Variants in MSI2 observed in about 807,000 individuals in gnomAD.
MSI2 encodes musashi RNA binding protein 2, also known as RNA-binding protein Musashi homolog 2.
Under a neutral mutation model 45.6 loss-of-function variants are expected in MSI2, and 17 were observed. That is an observed-to-expected ratio of 0.37 (90% CI 0.26 to 0.56). MSI2 has a LOEUF of 0.56. Among genes scored for constraint, MSI2 ranks in the 20% least tolerant of loss-of-function variants. The pLI is 0.77. For synonymous variants in MSI2, 156 were observed against 158.2 expected, an observed-to-expected ratio of 0.99 and a Z score of 0.11; for missense variants, 293 against 444.2, an observed-to-expected ratio of 0.66 and a Z score of 3.06.
intron 6 of MSI2, among the ~76,000 whole-genome samples, chr17:57,453,563 A>T (rs1304109491): frequency 6.6e-6 from 1 of 152,212 alleles, no homozygotes; most frequent in Non-Finnish European, 1.5e-5. Context: ...AAGAAGTTTA[A>T]TGCCAACATC....
intron 11 of MSI2, among the ~76,000 whole-genome samples, chr17:57,653,827 C>T (rs978873410): frequency 4.9e-4 from 74 of 152,130 alleles, no homozygotes; most frequent in African/African-American, 1.7e-3. Context: ...CCGTCTCCCA[C>T]GGTCTGTGCC....
chr17:57,580,872 C>CAGCT (rs1401364198), intron 7 of MSI2, among the ~76,000 whole-genome samples: 1 of 152,274 alleles, frequency 6.6e-6, no homozygotes, highest in Non-Finnish European at 1.5e-5. Context: ...TTTCAAGTCT[C>CAGCT]AGCTGGTAGC....
At chr17:57,459,339 C>CG (rs1459254514) in intron 6 of MSI2, among the ~76,000 whole-genome samples, 1 of 152,096 alleles carries the variant, frequency 6.6e-6, no homozygotes. Flanking sequence ...GGATGCCGCA[C>CG]GGGGGCATTG....
At chr17:57,396,413 C>CCACA (rs55688182) in intron 5 of MSI2, among the ~76,000 whole-genome samples, 99,603 of 150,052 alleles carry the variant, frequency 0.66, 33,342 homozygotes, top group South Asian at 0.75. Context: ...AGCACACACA[C>CCACA]CACACACACA....
At chr17:57,502,008 G>A (rs888818264) in intron 6 of MSI2, among the ~76,000 whole-genome samples, 2 of 152,152 alleles carry the variant, frequency 1.3e-5, no homozygotes, top group African/African-American at 4.8e-5. Flanking sequence ...GGAGGGTCCT[G>A]GGTTTCAAGA....
chr17:57,275,722 G>A lies in MSI2; in HGVS notation c.312+13530G>A, dbSNP rs893764587. ...GGGGATGGAGTGCGTGTGAATGTTA[G>A]TGTGTAGAGGACGGAAAGGGAAGGA... On this transcript the variant is annotated intron_variant, in intron 5 of 13. Coordinates refer to ENST00000284073, the MANE Select transcript of MSI2 (RefSeq NM_138962.4). Among the ~76,000 whole-genome samples the A allele has an allele frequency of 4.6e-5, 7 of 152,222 alleles. 1 individual carries two copies. The highest frequency in any genetic ancestry group is 1.7e-4 in the African/African-American group (7 of 41,458).
At chr17:57,688,000 A>G (rs1913916161), downstream of MSI2, among the ~76,000 whole-genome samples, 1 of 152,154 alleles carries the variant, frequency 6.6e-6, no homozygotes, top group Non-Finnish European at 1.5e-5. Flanking sequence ...AGTATTTGAA[A>G]AATATGGCAG....
At chr17:57,644,057 A>T (rs1053868071) in intron 10 of MSI2, among the ~76,000 whole-genome samples, 2 of 152,074 alleles carry the variant, frequency 1.3e-5, no homozygotes, top group African/African-American at 4.8e-5. Flanking sequence ...CTCACTCCCC[A>T]GCACCCCCTT....
intron 7 of MSI2, among the ~76,000 whole-genome samples, chr17:57,547,798 A>C (rs2087205852): frequency 6.7e-6 from 1 of 150,060 alleles, no homozygotes; most frequent in Non-Finnish European, 1.5e-5. Context: ...ACGTCTCTGG[A>C]GAATTAACAT....
intron 5 of MSI2, among the ~76,000 whole-genome samples, chr17:57,348,310 A>G (rs1461720577): frequency 6.6e-6 from 1 of 152,188 alleles, no homozygotes; most frequent in Non-Finnish European, 1.5e-5. Context: ...ACAAGAGGCC[A>G]CTGCTCAGTT....
rs571497311 is a variant in MSI2, at chr17:57,633,431, T to C, written c.727+6128T>C. On this transcript the variant is annotated intron_variant, in intron 10 of 13. Transcript: ENST00000284073. Reference sequence around the variant, plus strand: ...CGCCAGCTGCACAGTATCGCCCCGATGCTCCTTCCTCCGCCACGGCTCCCC... The same window carrying C: ...CGCCAGCTGCACAGTATCGCCCCGACGCTCCTTCCTCCGCCACGGCTCCCC... Among the ~76,000 whole-genome samples, 20 of 152,374 alleles carry C rather than the reference T, an allele frequency of 1.3e-4. 1 individual carries two copies. The highest frequency in any genetic ancestry group is 4.1e-4 in the African/African-American group (17 of 41,598).
At chr17:57,660,234 A>C (rs1911892753) in intron 11 of MSI2, among the ~76,000 whole-genome samples, 1 of 152,194 alleles carries the variant, frequency 6.6e-6, no homozygotes, top group Admixed American at 6.5e-5. Context: ...CTGGCATCAT[A>C]CCGTCCTGTC....
Position 57,635,336 on chromosome 17 carries a change from G to A in MSI2, c.727+8033G>A, listed in dbSNP as rs16942110. 7.6e-3 allele frequency among the ~76,000 whole-genome samples: 1,162 copies of A among 152,360 alleles called. 13 individuals carry two copies. Among genetic ancestry groups the A allele is most frequent in the African/African-American group, 0.026 (1,079 of 41,586 alleles). ...CGAACTTCCATAGTGAGTCAGAGGG[G>A]TTTGGAGAAGTGGGAGGCCATGAGG... On this transcript the variant is annotated intron_variant, in intron 10 of 13. Coordinates refer to ENST00000284073, the MANE Select transcript of MSI2 (RefSeq NM_138962.4).
At chr17:57,350,908 G>A (rs562885634) in intron 5 of MSI2, among the ~76,000 whole-genome samples, 1 of 152,282 alleles carries the variant, frequency 6.6e-6, no homozygotes, top group East Asian at 1.9e-4. Context: ...CAGAGGTGTA[G>A]ACAGGGTTAA....
At chr17:57,446,404 G>T (rs904658332) in intron 6 of MSI2, among the ~76,000 whole-genome samples, 5 of 152,200 alleles carry the variant, frequency 3.3e-5, no homozygotes, top group Admixed American at 1.3e-4. Context: ...GGAAGAATTC[G>T]CAGTGCCCTA....
chr17:57,392,898 T>G (rs904695464), intron 5 of MSI2, among the ~76,000 whole-genome samples: 2 of 152,154 alleles, frequency 1.3e-5, no homozygotes, highest in African/African-American at 4.8e-5. Flanking sequence ...TGAGATATAA[T>G]TCAAATACCA....
At chr17:57,490,195 T>G (rs887895820) in intron 6 of MSI2, among the ~76,000 whole-genome samples, 1 of 152,222 alleles carries the variant, frequency 6.6e-6, no homozygotes, top group Non-Finnish European at 1.5e-5. Flanking sequence ...AAATCGTGGA[T>G]GTATGATGCC....
At chr17:57,290,453 C>T (rs1910307082) in intron 5 of MSI2, among the ~76,000 whole-genome samples, 1 of 152,166 alleles carries the variant, frequency 6.6e-6, no homozygotes, top group African/African-American at 2.4e-5. Context: ...GCACTACAGG[C>T]ACATGCCACC....
intron 5 of MSI2, among the ~76,000 whole-genome samples, chr17:57,326,352 G>T (rs1046777811): frequency 2.0e-5 from 3 of 152,152 alleles, no homozygotes; most frequent in Non-Finnish European, 4.4e-5. Flanking sequence ...AAGCCCTGGG[G>T]GAGAGGAGGT....
Sources: gnomAD v4.1 joint callset for allele counts (sites outside exome capture counted in the v4.1 genomes callset) on GRCh38, gnomAD v4.1.1 for gene constraint, MANE v1.5 for transcripts, NCBI Gene and HGNC (gene_info 2026-07-23, HGNC 2026-07-21) for gene names.